Variants in CTIF observed in about 807,000 individuals in gnomAD.
CTIF encodes CBP80/20-dependent translation initiation factor.
In CTIF, 21 loss-of-function variants were observed where a neutral mutation model predicts 66.0. The observed-to-expected ratio is 0.32, with a 90% CI of 0.23 to 0.46. The LOEUF is 0.46. Ranked by LOEUF, CTIF falls within the 20% of genes least tolerant of loss-of-function variation. The pLI is 1.00. For synonymous variants in CTIF, 345 were observed against 326.4 expected (o/e 1.06, Z -0.62); for missense variants, 739 against 812.7 (o/e 0.91, Z 1.10).
chr18:48,739,212 A>G (rs1246073088), intron 7 of CTIF, among the ~76,000 whole-genome samples: 1 of 152,226 alleles, frequency 6.6e-6, no homozygotes, highest in Non-Finnish European at 1.5e-5. Context: ...TCCTCCCGGC[A>G]TAGGAGCCTT....
At chr18:48,680,850 C>T (rs1410427752) in intron 6 of CTIF, among the ~76,000 whole-genome samples, 1 of 152,242 alleles carries the variant, frequency 6.6e-6, no homozygotes, top group African/African-American at 2.4e-5. Context: ...AGCCAATGTC[C>T]CATTTCTGGT....
At chr18:48,570,622 G>A (rs1568039237) in intron 1 of CTIF, among the ~76,000 whole-genome samples, 1 of 152,228 alleles carries the variant, frequency 6.6e-6, no homozygotes, top group Non-Finnish European at 1.5e-5. Context: ...AATCAGGAAA[G>A]GTTTCTTAGG....
intron 7 of CTIF, among the ~76,000 whole-genome samples, chr18:48,716,201 C>T (rs1046952535): frequency 2.0e-5 from 3 of 152,170 alleles, no homozygotes; most frequent in Non-Finnish European, 4.4e-5. Flanking sequence ...CCCGAGAATA[C>T]GGGAAGTATA....
At chr18:48,825,291 G>A (rs1166680682) in intron 10 of CTIF, among the ~76,000 whole-genome samples, 2 of 151,980 alleles carry the variant, frequency 1.3e-5, no homozygotes, top group African/African-American at 4.8e-5. Flanking sequence ...GAAGGGCAGG[G>A]AGAGGGCAGA....
At chr18:48,689,062 T>C (rs1568137503) in intron 6 of CTIF, among the ~76,000 whole-genome samples, 1 of 152,228 alleles carries the variant, frequency 6.6e-6, no homozygotes. Flanking sequence ...GTGAGGGCTC[T>C]TCCGAAAGAT....
intron 3 of CTIF, among the ~76,000 whole-genome samples, chr18:48,646,901 CAAAAAAAAAAAAA>C (rs35904615): frequency 1.3e-5 from 1 of 77,970 alleles, no homozygotes; most frequent in Non-Finnish European, 2.3e-5. Flanking sequence ...TTGGCAGTTT[CAAAAAAAAAAAAA>C]AAAAAAAAAA....
chr18:48,779,953 G>C (rs1374283660), intron 9 of CTIF, among the ~76,000 whole-genome samples: 2 of 152,202 alleles, frequency 1.3e-5, no homozygotes, highest in Admixed American at 1.3e-4. Context: ...GCATCTGTGA[G>C]CACCATCTGC....
chr18:48,708,026 C>G (rs2092180213), intron 6 of CTIF, among the ~76,000 whole-genome samples: 1 of 152,230 alleles, frequency 6.6e-6, no homozygotes, highest in African/African-American at 2.4e-5. Context: ...AAAGTTCATT[C>G]ATGTTGTAGT....
At chr18:48,702,189 T>C (rs762349992) in intron 6 of CTIF, among the ~76,000 whole-genome samples, 5 of 152,224 alleles carry the variant, frequency 3.3e-5, no homozygotes, top group Non-Finnish European at 7.3e-5. Flanking sequence ...CTCTTTAGAC[T>C]GTTACAATAA....
chr18:48,557,576 C>T (rs574358985), intron 1 of CTIF, among the ~76,000 whole-genome samples: 3 of 152,192 alleles, frequency 2.0e-5, no homozygotes, highest in Non-Finnish European at 2.9e-5. Context: ...TACCTCTGCT[C>T]GATTTGTCTT....
At chr18:48,651,951 G>A (rs184986303) in intron 3 of CTIF, among the ~76,000 whole-genome samples, 228 of 152,198 alleles carry the variant, frequency 1.5e-3, no homozygotes, top group Non-Finnish European at 2.4e-3. Flanking sequence ...AGAATCCCTC[G>A]GACACATTTA....
chr18:48,576,557 C>A (rs8095607), intron 1 of CTIF, among the ~76,000 whole-genome samples: 10,686 of 152,270 alleles, frequency 0.07, 468 homozygotes, highest in African/African-American at 0.11. Context: ...CAGAAATAAG[C>A]CGGGAGAAGC....
chr18:48,856,871 C>T (rs962070739), intron 10 of CTIF, among the ~76,000 whole-genome samples: 22 of 152,298 alleles, frequency 1.4e-4, no homozygotes, highest in African/African-American at 5.3e-4. Flanking sequence ...AAAAGCACTG[C>T]ATTATATACT....
At chr18:48,593,403 C>T (rs1375158869) in intron 1 of CTIF, among the ~76,000 whole-genome samples, 63 of 145,092 alleles carry the variant, frequency 4.3e-4, no homozygotes, top group Admixed American at 2.1e-3. Context: ...TTTTTTGAGA[C>T]GGACTCTCGC....
At chr18:48,809,684 T>C (rs1415942395) in intron 9 of CTIF, among the ~76,000 whole-genome samples, 2 of 152,090 alleles carry the variant, frequency 1.3e-5, no homozygotes, top group Non-Finnish European at 2.9e-5. Context: ...AGTTTAGAGA[T>C]TTCCTTATAA....
At chr18:48,731,014 G>C (rs534824780) in intron 7 of CTIF, among the ~76,000 whole-genome samples, 2 of 152,238 alleles carry the variant, frequency 1.3e-5, no homozygotes, top group South Asian at 2.1e-4. Context: ...GAGAAAAGTG[G>C]AGAACCATTT....
At chr18:48,824,691 G>A (rs1017710347) in intron 10 of CTIF, among the ~76,000 whole-genome samples, 1 of 151,674 alleles carries the variant, frequency 6.6e-6, no homozygotes, top group South Asian at 2.1e-4. Flanking sequence ...AGGCTGGAGT[G>A]CAGTGGTGCA....
intron 9 of CTIF, among the ~76,000 whole-genome samples, chr18:48,764,357 C>T (rs1909307950): frequency 6.6e-6 from 1 of 152,172 alleles, no homozygotes; most frequent in Non-Finnish European, 1.5e-5. Flanking sequence ...GAACTTAAAC[C>T]AATGGCCACA....
chr18:48,619,877 A>G, intron 2 of CTIF, 132 bp downstream of exon 2: 1 of 906,550 alleles, frequency 1.1e-6, no homozygotes, highest in Non-Finnish European at 1.5e-6. Context: ...CCAGCAGAGC[A>G]CCCAGAATCT....
Sources: gnomAD v4.1 joint callset for allele counts (sites outside exome capture counted in the v4.1 genomes callset) on GRCh38, gnomAD v4.1.1 for gene constraint, MANE v1.5 for transcripts, NCBI Gene and HGNC (gene_info 2026-07-23, HGNC 2026-07-21) for gene names.